The following STARD8 variants were observed in gnomAD, a reference collection of about 807,000 sequenced individuals.
STARD8 encodes stAR-related lipid transfer protein 8.
STARD8 carries 25 observed loss-of-function variants against 69.4 expected under a neutral mutation model. The ratio of observed to expected loss-of-function variants is 0.36; its 90% CI spans 0.26 to 0.50. The LOEUF (loss-of-function observed/expected upper bound fraction) is 0.50. STARD8 is among the 20% of genes least tolerant of loss of function. The probability of loss-of-function intolerance (pLI) is 0.96; values close to 1 mark genes in which losing one functional copy is unlikely to be tolerated. For missense variants in STARD8, 921 were observed against 932.5 expected (o/e 0.99, Z 0.16); for synonymous variants, 389 against 374.6 (o/e 1.04, Z -0.45).
Position 68,708,876 on chromosome X carries a change from C to T in STARD8, c.80-4038C>T, listed in dbSNP as rs151010188. Among the ~76,000 whole-genome samples the T allele has an allele frequency of 4.5e-3, 505 of 111,798 alleles. 4 individuals carry two copies. Among genetic ancestry groups the T allele is most frequent in the African/African-American group, 0.016 (494 of 30,810 alleles). On this transcript the variant is annotated intron_variant, in intron 2 of 14. Coordinates refer to ENST00000374599, the MANE Select transcript of STARD8 (RefSeq NM_001142503.3). ...ACTCACCTCAGCCTGCCCGTTGTCA[C>T]TCTCCCCACCAGATACATAAGCCCA...
At position 68,724,421 on chromosome X, in the gene STARD8, G is replaced by A. The variant is rs201353923; in HGVS notation, c.3311G>A (p.Ter1104=). The A allele has an allele frequency of 3.5e-5, 42 of 1,197,957 alleles. No individual in the cohort carries two copies. The East Asian group carries it at 1.2e-3, about 33-fold the overall frequency. Residue 1104 remains the stop codon, a stop_retained_variant, in exon 15 of 15, where the codon TGA becomes TAA. Transcript: ENST00000374599. ...GCAGCGGGCCCTGAGACAAAGCTGT[G>A]AGCCTTGGGCTGGTCCCAGGGTGGC... The part of the protein sequence containing the change: ...LQAAGPETKL[*]
chrX:68,715,448 C>T lies in STARD8; in HGVS notation c.233+73C>T, dbSNP rs921546036. 2.0e-5 allele frequency: 18 copies of T among 892,963 alleles called. No homozygotes were observed. The African/African-American group carries it at 3.3e-4, about 16-fold the overall frequency. The allele number at this position is 892,963 out of a possible 1,213,427, so 73.6% of individuals were successfully genotyped here. A position where few individuals can be genotyped will look rare whatever the true frequency, so the allele number is the denominator to read the frequency against. Reference sequence around the variant, plus strand: ...AGCTTCCTCGTGGAAAAAAACATCCCTTGTACCCTCTAACAGAGGAGGAGC... The same window carrying T: ...AGCTTCCTCGTGGAAAAAAACATCCTTTGTACCCTCTAACAGAGGAGGAGC... On this transcript the variant is annotated intron_variant, in intron 4 of 14. Coordinates refer to ENST00000374599, the MANE Select transcript of STARD8 (RefSeq NM_001142503.3).
intron 1 of STARD8, among the ~76,000 whole-genome samples, chrX:68,649,277 G>C (rs762692951): frequency 5.4e-4 from 60 of 111,562 alleles, no homozygotes; most frequent in Non-Finnish European, 8.5e-4. Context: ...AGGGAACTTC[G>C]TGAGCTAGAG....
chrX:68,668,115 G>GTCTTTCTTTCTTTCTTTCTT (rs1259688569), intron 2 of STARD8, among the ~76,000 whole-genome samples: 2 of 24,237 alleles, frequency 8.3e-5, no homozygotes, highest in Non-Finnish European at 1.8e-4. Flanking sequence ...CTTTCTTTCT[G>GTCTTTCTTTCTTTCTTTCTT]TCTTTCTTTC....
At position 68,693,553 on chromosome X, in the gene STARD8, G is replaced by T. The variant is rs750078891; in HGVS notation, c.80-19361G>T. 4.1e-4 allele frequency: 268 copies of T among 658,806 alleles called. No homozygotes were observed. The Admixed American group carries it at 4.6e-3, about 11-fold the overall frequency. 54.3% of individuals were successfully genotyped at this position (658,806 alleles called of 1,213,427 possible). On this transcript the variant is annotated intron_variant, in intron 2 of 14. Coordinates refer to ENST00000374599, the MANE Select transcript of STARD8 (RefSeq NM_001142503.3). Reference sequence around the variant, plus strand: ...ATTTGGGTGACTTTCTGGCGAGTCCGGTGGGCCAGACTGCGCCCCCATTGG... The same window carrying T: ...ATTTGGGTGACTTTCTGGCGAGTCCTGTGGGCCAGACTGCGCCCCCATTGG...
In STARD8 at chrX:68,721,651, C is replaced by G. The variant is rs763078982; in HGVS notation, c.2364C>G (p.Ala788=). The G allele has an allele frequency of 8.3e-7, 1 of 1,212,058 alleles. No homozygotes were observed. The highest frequency in any genetic ancestry group is 2.2e-5 in the Admixed American group (1 of 46,075). ...ACTTCTTAAGTGACATTGCCTCTGC[C>G]GAGGAAAACCAGATGACAGCAGGCA... is the stretch of plus-strand genomic sequence containing the variant. ...LLYFLSDIAS[A]EENQMTAGNL... The change falls in exon 10 of 15, where the codon GCC becomes GCG. Residue 788 remains alanine (A), a synonymous_variant. Coordinates refer to ENST00000374599, the MANE Select transcript of STARD8 (RefSeq NM_001142503.3).
chrX:68,649,446 A>C (rs750324139), intron 1 of STARD8, among the ~76,000 whole-genome samples: 2 of 110,143 alleles, frequency 1.8e-5, no homozygotes, highest in Admixed American at 2.0e-4. Flanking sequence ...CTCATCTAGT[A>C]GGGGTCCTGA....
chrX:68,724,565 C>G lies in STARD8; in HGVS notation c.*143C>G. ...GTGGCTCCAGCTGCCTGTCCTGTCC[C>G]CTTTCCTAAAGCTCCTCTGCACATA... On this transcript the variant is annotated 3_prime_UTR_variant, in exon 15 of 15. Coordinates refer to ENST00000374599, the MANE Select transcript of STARD8 (RefSeq NM_001142503.3). 2.1e-6 allele frequency: 1 copy of G among 466,041 alleles called. No individual in the cohort carries two copies. Among genetic ancestry groups the G allele is most frequent in the Non-Finnish European group, 3.6e-6 (1 of 274,493 alleles). 38.4% of individuals were successfully genotyped at this position (466,041 alleles called of 1,213,427 possible).
Position 68,653,683 on chromosome X carries a change from CACACA to C in STARD8, c.45+5757_45+5761del, listed in dbSNP as rs754170285. Among the ~76,000 whole-genome samples the C allele has an allele frequency of 3.2e-4, 28 of 87,782 alleles. 1 individual carries two copies. The East Asian group carries it at 5.9e-3, about 18-fold the overall frequency. 76.2% of individuals were successfully genotyped at this position (87,782 alleles called of 115,157 possible). A position where few individuals can be genotyped will look rare whatever the true frequency, so the allele number is the denominator to read the frequency against. ...ACATACACCCCCCAACACACCACAC[CACACA>C]CACACCACACCACACATACACCACA... On this transcript the variant is annotated intron_variant, in intron 1 of 14. Coordinates refer to ENST00000374599, the MANE Select transcript of STARD8 (RefSeq NM_001142503.3).
At position 68,723,967 on chromosome X, in the gene STARD8, C is replaced by T. The variant is rs1456311561; in HGVS notation, c.3040C>T (p.Arg1014Cys). The change falls in exon 14 of 15, where the codon CGT becomes TGT. Residue 1014 changes from arginine to cysteine, a missense_variant. Arg to Cys is a radical substitution (Grantham distance 180). Coordinates refer to ENST00000374599, the MANE Select transcript of STARD8 (RefSeq NM_001142503.3). ...TAGGATGTGGCGCTCTGACCTGCCT[C>T]GTGGGGGTTGCCTGCTTGTCTCCCA... ...VLRMWRSDLP[R>C]GGCLLVSQSL... is the part of the protein sequence containing the mutation. 2 of 1,212,082 alleles carry T rather than the reference C, an allele frequency of 1.7e-6. No individual in the cohort carries two copies. The highest frequency in any genetic ancestry group is 2.2e-6 in the Non-Finnish European group (2 of 895,556).
chrX:68,678,181 G>C (rs1205078630), intron 2 of STARD8, among the ~76,000 whole-genome samples: 1 of 111,559 alleles, frequency 9.0e-6, no homozygotes, highest in Non-Finnish European at 1.9e-5. Flanking sequence ...TCAAAGAAGA[G>C]ATGAGTGTGG....
In STARD8 at chrX:68,719,351, C is replaced by T. The variant is rs369783358; in HGVS notation, c.1842C>T (p.Thr614=). The change falls in exon 7 of 15, where the codon ACC becomes ACT. Residue 614 remains threonine (T), a synonymous_variant. Transcript: ENST00000374599. Reference sequence around the variant, plus strand: ...ACAAGGGCTCACTGCTGCGGCTTACCGCGTTCATGGAGAAGTACACTGTGC... The same window carrying T: ...ACAAGGGCTCACTGCTGCGGCTTACTGCGTTCATGGAGAAGTACACTGTGC... ...LLHKGSLLRL[T]AFMEKYTVPH... The T allele has an allele frequency of 1.6e-5, 19 of 1,202,645 alleles. No homozygotes were observed. The highest frequency in any genetic ancestry group is 1.3e-4 in the Admixed American group (6 of 45,063).
chrX:68,702,039 A>T (rs1224928967), intron 2 of STARD8, among the ~76,000 whole-genome samples: 1 of 111,729 alleles, frequency 9.0e-6, no homozygotes, highest in Non-Finnish European at 1.9e-5. Flanking sequence ...CCATTGCTTC[A>T]GGGCTTATTC....
intron 1 of STARD8, among the ~76,000 whole-genome samples, chrX:68,650,782 C>CAAACA (rs199558734): frequency 0.42 from 36,765 of 88,505 alleles, 8,372 homozygotes; most frequent in Non-Finnish European, 0.54. Context: ...GGCTATGTCT[C>CAAACA]AAACAAAACA....
intron 2 of STARD8, among the ~76,000 whole-genome samples, chrX:68,673,780 T>C (rs1428028122): frequency 8.9e-6 from 1 of 111,775 alleles, no homozygotes; most frequent in Non-Finnish European, 1.9e-5. Context: ...AACACACACA[T>C]AGTCTATTTA....
intron 2 of STARD8, among the ~76,000 whole-genome samples, chrX:68,711,222 G>GCGCA (rs1206230730): frequency 3.1e-4 from 32 of 101,845 alleles, no homozygotes; most frequent in African/African-American, 1.1e-3. Flanking sequence ...ATGTATGCAT[G>GCGCA]CACACACACA....
intron 2 of STARD8, among the ~76,000 whole-genome samples, chrX:68,708,442 C>A (rs1216074563): frequency 8.9e-6 from 1 of 112,480 alleles, no homozygotes; most frequent in African/African-American, 3.2e-5. Context: ...GAAAACTGCT[C>A]TGTGCTGTCT....
At position 68,716,408 on chromosome X, in the gene STARD8, G is replaced by A; in HGVS notation, c.274G>A (p.Glu92Lys). ...GAATAATTGTGCCTCGATGAAACTG[G>A]AGGTTCATTTTCAAAGCAAGCAGGT... ...TLNNCASMKL[E>K]VHFQSKQNED... Residue 92 changes from glutamate to lysine, a missense_variant, in exon 5 of 15, where the codon GAG becomes AAG. Glu to Lys is a moderately conservative substitution (Grantham distance 56). Transcript: ENST00000374599. The A allele has an allele frequency of 1.7e-6, 2 of 1,211,182 alleles. No homozygotes were observed. Among genetic ancestry groups the A allele is most frequent in the Non-Finnish European group, 2.2e-6 (2 of 895,320 alleles).
chrX:68,705,061 G>A (rs149355557), intron 2 of STARD8, among the ~76,000 whole-genome samples: 141 of 112,376 alleles, frequency 1.3e-3, no homozygotes, highest in African/African-American at 4.2e-3. Flanking sequence ...TGGAGATGGT[G>A]GAGTAGCACA....
Sources: gnomAD v4.1 joint callset for allele counts (sites outside exome capture counted in the v4.1 genomes callset) on GRCh38, gnomAD v4.1.1 for gene constraint, MANE v1.5 for transcripts, NCBI Gene and HGNC (gene_info 2026-07-23, HGNC 2026-07-21) for gene names.